The following MN1 variants were observed in gnomAD, a reference collection of about 807,000 sequenced individuals.
MN1 encodes transcriptional activator MN1.
A neutral mutation model predicts 86.9 loss-of-function variants in MN1; 19 were observed. The ratio of observed to expected loss-of-function variants is 0.22; its 90% CI spans 0.15 to 0.32. The LOEUF (loss-of-function observed/expected upper bound fraction) is 0.32, where lower values mean the gene tolerates loss of function less well. Ranked by LOEUF, MN1 falls within the 10% of genes least tolerant of loss-of-function variation. The pLI, the probability that MN1 is intolerant of heterozygous loss-of-function variation, is 1.00. For synonymous variants in MN1, 928 were observed against 849.6 expected (o/e 1.09, Z -1.60); for missense variants, 1,841 against 1,862.0 (o/e 0.99, Z 0.21).
chr22:27,760,189 A>C (rs1391173848), intron 1 of MN1, among the ~76,000 whole-genome samples: 7 of 152,196 alleles, frequency 4.6e-5, no homozygotes, highest in Non-Finnish European at 5.9e-5. Context: ...TACTAAAAAT[A>C]CAAAAATTAG....
chr22:27,784,874 T>C (rs191143443), intron 1 of MN1, among the ~76,000 whole-genome samples: 282 of 151,792 alleles, frequency 1.9e-3, no homozygotes, highest in African/African-American at 5.5e-3. Context: ...TACTGCTGGG[T>C]TGTGGGTCGG....
At chr22:27,769,971 T>C (rs546259070) in intron 1 of MN1, among the ~76,000 whole-genome samples, 1 of 152,208 alleles carries the variant, frequency 6.6e-6, no homozygotes, top group Non-Finnish European at 1.5e-5. Flanking sequence ...ATCCCCCAGA[T>C]CATGAGGAAA....
intron 1 of MN1, among the ~76,000 whole-genome samples, chr22:27,789,755 G>A (rs1043170502): frequency 1.3e-5 from 2 of 152,228 alleles, no homozygotes; most frequent in African/African-American, 4.8e-5. Flanking sequence ...TATGTTTAAA[G>A]GGCATTTGGG....
intron 1 of MN1, among the ~76,000 whole-genome samples, chr22:27,751,840 C>T (rs558009624): frequency 2.4e-4 from 36 of 152,224 alleles, no homozygotes; most frequent in African/African-American, 7.9e-4. Context: ...TCCCCAAGCC[C>T]CATGTGCTCC....
At chr22:27,759,860 C>T (rs1308850397) in intron 1 of MN1, among the ~76,000 whole-genome samples, 1 of 152,210 alleles carries the variant, frequency 6.6e-6, no homozygotes, top group Non-Finnish European at 1.5e-5. Flanking sequence ...TCTAAAATGA[C>T]TAGTGGTTTG....
chr22:27,796,723 G>A, intron 1 of MN1, 40 bp downstream of exon 1: 1 of 1,537,800 alleles, frequency 6.5e-7, no homozygotes, highest in African/African-American at 1.4e-5. Flanking sequence ...GGATGGGGCG[G>A]GTCACCCGGG....
chr22:27,782,507 C>A (rs1309718908), intron 1 of MN1, among the ~76,000 whole-genome samples: 2 of 152,208 alleles, frequency 1.3e-5, no homozygotes, highest in Non-Finnish European at 2.9e-5. Context: ...CCACCATGCA[C>A]TTCCTAGGTT....
intron 1 of MN1, among the ~76,000 whole-genome samples, chr22:27,792,121 G>GGAATCATA (rs909147217): frequency 6.6e-5 from 10 of 151,966 alleles, no homozygotes; most frequent in African/African-American, 2.4e-4. Flanking sequence ...AATCATATCA[G>GGAATCATA]GAATCATAGA....
chr22:27,752,036 G>T (rs939032661), intron 1 of MN1, among the ~76,000 whole-genome samples: 1 of 152,148 alleles, frequency 6.6e-6, no homozygotes, highest in Non-Finnish European at 1.5e-5. Context: ...TCCCTCCTAC[G>T]CTCTGGCCTT....
chr22:27,761,020 C>G (rs1932831056), intron 1 of MN1, among the ~76,000 whole-genome samples: 1 of 152,202 alleles, frequency 6.6e-6, no homozygotes, highest in Non-Finnish European at 1.5e-5. Context: ...CAGGGTCACA[C>G]AGCCAGCCAT....
chr22:27,797,711 G>A lies in MN1; in HGVS notation c.2833C>T (p.Arg945Cys), dbSNP rs1228656383. 2 of 1,610,630 alleles carry A rather than the reference G, an allele frequency of 1.2e-6. No homozygotes were observed. Among genetic ancestry groups the A allele is most frequent in the Non-Finnish European group, 1.7e-6 (2 of 1,179,172 alleles). The change falls in exon 1 of 2, where the codon CGC (arginine) becomes TGC (cysteine). Residue 945 changes from arginine to cysteine, a missense_variant. Arg to Cys is a radical substitution (Grantham distance 180, BLOSUM62 -3). Coordinates refer to ENST00000302326, the MANE Select transcript of MN1 (RefSeq NM_002430.3). ...VSGGGGRGRG[R>C]RKRDSGHVSP... ...ACGTGACCACTGTCCCTTTTTCTGCGACCCCGTCCCCGGCCGCCGCCCCCG... is the reference window on the plus strand; with the variant it reads ...ACGTGACCACTGTCCCTTTTTCTGCAACCCCGTCCCCGGCCGCCGCCCCCG...
At chr22:27,759,549 T>C (rs1932821348) in intron 1 of MN1, among the ~76,000 whole-genome samples, 1 of 144,618 alleles carries the variant, frequency 6.9e-6, no homozygotes, top group South Asian at 2.5e-4. Flanking sequence ...AAGCCCACCA[T>C]GGTCTGAATC....
chr22:27,792,341 T>C (rs938511924), intron 1 of MN1, among the ~76,000 whole-genome samples: 1 of 143,098 alleles, frequency 7.0e-6, no homozygotes, highest in South Asian at 2.1e-4. Context: ...TATATATATA[T>C]ATATATATAT....
intron 1 of MN1, among the ~76,000 whole-genome samples, chr22:27,754,654 A>G (rs1294403736): frequency 2.6e-5 from 4 of 152,188 alleles, no homozygotes; most frequent in East Asian, 1.9e-4. Context: ...GCGGCTCCCC[A>G]GGGCTGCCGA....
intron 1 of MN1, among the ~76,000 whole-genome samples, chr22:27,787,860 G>A (rs911332276): frequency 4.6e-5 from 7 of 152,096 alleles, no homozygotes; most frequent in East Asian, 1.9e-4. Flanking sequence ...AGCCTGCCTC[G>A]GCCACTAACT....
At chr22:27,764,996 G>C (rs4822937) in intron 1 of MN1, among the ~76,000 whole-genome samples, 68,161 of 152,094 alleles carry the variant, frequency 0.45, 16,039 homozygotes, top group African/African-American at 0.6. Flanking sequence ...GCATCAGATT[G>C]TAAGCATTGG....
At position 27,798,974 on chromosome 22, in the gene MN1, G is replaced by C. The variant is rs1859319509; in HGVS notation, c.1570C>G (p.Gln524Glu). 1 of 1,603,834 alleles carries C rather than the reference G, an allele frequency of 6.2e-7. No homozygotes were observed. Among genetic ancestry groups the C allele is most frequent in the Admixed American group, 1.7e-5 (1 of 58,564 alleles). Reference sequence around the variant, plus strand: ...TGCTGCTGCTGCTGCTGCTGCTGCTGTTGCAGGGACTGGTGGTCCGGGGCC... The same window carrying C: ...TGCTGCTGCTGCTGCTGCTGCTGCTCTTGCAGGGACTGGTGGTCCGGGGCC... ...HPAPDHQSLQ[Q>E]QQQQQQQQQQ... The change falls in exon 1 of 2, where the codon CAG becomes GAG. Residue 524 changes from glutamine (Q) to glutamate (E), a missense_variant. Gln to Glu is a conservative substitution (Grantham distance 29). Coordinates refer to ENST00000302326, the MANE Select transcript of MN1 (RefSeq NM_002430.3).
At chr22:27,762,820 C>T (rs80000945) in intron 1 of MN1, among the ~76,000 whole-genome samples, 4,935 of 152,060 alleles carry the variant, frequency 0.032, 101 homozygotes, top group East Asian at 0.049. Context: ...AAATAGAGGC[C>T]GAGTGCGGTG....
Position 27,800,463 on chromosome 22 carries a change from T to C in MN1, c.81A>G (p.Gly27=), listed in dbSNP as rs767954462. 120 of 1,614,082 alleles carry C rather than the reference T, an allele frequency of 7.4e-5. No individual in the cohort carries two copies. The Admixed American group carries it at 2.0e-3, about 27-fold the overall frequency. ...GQGERNFNET[G]LSMNTHFKAP... Reference sequence around the variant, plus strand: ...CCTTAAAGTGGGTGTTCATGCTCAGTCCGGTCTCGTTAAAGTTCCTCTCGC... The same window carrying C: ...CCTTAAAGTGGGTGTTCATGCTCAGCCCGGTCTCGTTAAAGTTCCTCTCGC... The change falls in exon 1 of 2, where the codon GGA becomes GGG. Residue 27 remains glycine (G), a synonymous_variant. Coordinates refer to ENST00000302326, the MANE Select transcript of MN1 (RefSeq NM_002430.3).
Sources: gnomAD v4.1 joint callset for allele counts (sites outside exome capture counted in the v4.1 genomes callset) on GRCh38, gnomAD v4.1.1 for gene constraint, MANE v1.5 for transcripts, NCBI Gene and HGNC (gene_info 2026-07-23, HGNC 2026-07-21) for gene names.